SNCAIP: variants seen among roughly 807,000 people sequenced by gnomAD.
SNCAIP encodes synuclein alpha interacting protein.
Under a neutral mutation model 86.7 loss-of-function variants are expected in SNCAIP, and 43 were observed. The observed-to-expected ratio is 0.50, with a 90% CI of 0.39 to 0.64. SNCAIP has a LOEUF of 0.64. Among genes scored for constraint, SNCAIP ranks in the 30% least tolerant of loss-of-function variants. The pLI is 0.00. For synonymous variants in SNCAIP, 417 were observed against 427.2 expected (o/e 0.98, Z 0.29); for missense variants, 981 against 1,103.1 (o/e 0.89, Z 1.57).
chr5:122,323,471 C>T (rs1415727889), intron 1 of SNCAIP: 2 of 152,176 alleles, frequency 1.3e-5, no homozygotes, highest in African/African-American at 4.8e-5. Context: ...CATTGCTTCT[C>T]TCTTATGTAA....
At chr5:122,358,581 T>C (rs1420568683) in intron 1 of SNCAIP, among the ~76,000 whole-genome samples, 1 of 151,982 alleles carries the variant, frequency 6.6e-6, no homozygotes, top group Admixed American at 6.6e-5. Context: ...TTCCTCTGTA[T>C]CCACTGTGTA....
chr5:122,386,283 C>T lies in SNCAIP; in HGVS notation c.-46-4806C>T, dbSNP rs1205579728. 2.0e-5 allele frequency among the ~76,000 whole-genome samples: 3 copies of T among 151,994 alleles called. No individual in the cohort carries two copies. The East Asian group carries it at 5.8e-4, about 29-fold the overall frequency. Reference sequence around the variant, plus strand: ...GGCAAGGAGGCTATTTTTTTAATTGCTTGTCTATTTTTTTATTATGCAATG... The same window carrying T: ...GGCAAGGAGGCTATTTTTTTAATTGTTTGTCTATTTTTTTATTATGCAATG... On this transcript the variant is annotated intron_variant, in intron 1 of 10. Coordinates refer to ENST00000261368, the MANE Select transcript of SNCAIP (RefSeq NM_005460.4).
At chr5:122,398,065 G>A (rs1029511970) in intron 2 of SNCAIP, among the ~76,000 whole-genome samples, 1 of 152,114 alleles carries the variant, frequency 6.6e-6, no homozygotes, top group African/African-American at 2.4e-5. Flanking sequence ...AGGGCTGGAG[G>A]AGTAAATGCA....
chr5:122,365,463 G>C (rs2152777428), intron 1 of SNCAIP, among the ~76,000 whole-genome samples: 1 of 152,320 alleles, frequency 6.6e-6, no homozygotes, highest in African/African-American at 2.4e-5. Flanking sequence ...TGGATCATTT[G>C]AGGTCAGGAG....
In SNCAIP at chr5:122,423,102, C is replaced by A. The variant is rs751480707; in HGVS notation, c.365C>A (p.Pro122His). Residue 122 changes from proline (P) to histidine (H), a missense_variant, in exon 4 of 11, where the codon CCT becomes CAT. Coordinates refer to ENST00000261368, the MANE Select transcript of SNCAIP (RefSeq NM_005460.4). The part of the protein sequence containing the change: ...DLGPQPQELG[P>H]GDGVGGPPGK... ...GGCCCCCAGCCTCAGGAGCTTGGCCCTGGAGATGGAGTGGGCGGCCCACCA... is the reference window on the plus strand; with the variant it reads ...GGCCCCCAGCCTCAGGAGCTTGGCCATGGAGATGGAGTGGGCGGCCCACCA... 6.2e-7 allele frequency: 1 copy of A among 1,614,012 alleles called. No individual in the cohort carries two copies. Among genetic ancestry groups the A allele is most frequent in the East Asian group, 2.2e-5 (1 of 44,858 alleles).
intron 10 of SNCAIP, among the ~76,000 whole-genome samples, chr5:122,456,894 T>C (rs1784877932): frequency 6.6e-6 from 1 of 152,252 alleles, no homozygotes; most frequent in Non-Finnish European, 1.5e-5. Flanking sequence ...CAGAAAAGTT[T>C]GTTAAAGCTG....
At chr5:122,376,640 A>C (rs904105058) in intron 1 of SNCAIP, among the ~76,000 whole-genome samples, 1 of 152,170 alleles carries the variant, frequency 6.6e-6, no homozygotes, top group Non-Finnish European at 1.5e-5. Context: ...TCATATGTTC[A>C]CTGAATGAAC....
intron 1 of SNCAIP, among the ~76,000 whole-genome samples, chr5:122,322,578 G>C (rs909033345): frequency 1.3e-5 from 2 of 152,146 alleles, no homozygotes; most frequent in African/African-American, 4.8e-5. Context: ...CCTGCTTTGA[G>C]TTTTTGTTTC....
At chr5:122,427,417 A>G (rs1464691541) in intron 5 of SNCAIP, among the ~76,000 whole-genome samples, 2 of 151,808 alleles carry the variant, frequency 1.3e-5, no homozygotes, top group Admixed American at 6.6e-5. Context: ...TTTCAAACCC[A>G]TAAGACTCAA....
chr5:122,364,383 C>T (rs1443427547), intron 1 of SNCAIP, among the ~76,000 whole-genome samples: 1 of 152,158 alleles, frequency 6.6e-6, no homozygotes, highest in Non-Finnish European at 1.5e-5. Context: ...CTTTCTTTTG[C>T]AAGATGCAAG....
chr5:122,454,037 G>A (rs1283757274), intron 10 of SNCAIP, among the ~76,000 whole-genome samples: 4 of 152,132 alleles, frequency 2.6e-5, no homozygotes, highest in African/African-American at 9.7e-5. Context: ...GGGTTTACAG[G>A]CGTGAGCCAC....
At chr5:122,451,639 A>G (rs1327035823) in intron 10 of SNCAIP, 38 bp downstream of exon 10, 7 of 1,374,694 alleles carry the variant, frequency 5.1e-6, no homozygotes, top group Non-Finnish European at 7.3e-6. Context: ...TTTTTCCTTC[A>G]AATGGATTAT....
intron 1 of SNCAIP, chr5:122,313,024 G>A (rs1372550221): frequency 1.3e-5 from 2 of 152,370 alleles, no homozygotes; most frequent in East Asian, 3.9e-4. Context: ...ATTACTGGCA[G>A]CCATACAGTT....
chr5:122,424,062 T>G (rs920404714), intron 4 of SNCAIP, among the ~76,000 whole-genome samples: 4 of 152,214 alleles, frequency 2.6e-5, no homozygotes, highest in African/African-American at 7.2e-5. Flanking sequence ...TTCAAATGGT[T>G]CCCAGTGCTC....
intron 5 of SNCAIP, among the ~76,000 whole-genome samples, chr5:122,429,750 G>T (rs1778022387): frequency 6.6e-6 from 1 of 152,144 alleles, no homozygotes; most frequent in Non-Finnish European, 1.5e-5. Flanking sequence ...GAGGGTAAGG[G>T]GTTCGTAAAG....
chr5:122,344,045 A>G (rs1398937382), intron 1 of SNCAIP, among the ~76,000 whole-genome samples: 1 of 152,162 alleles, frequency 6.6e-6, no homozygotes, highest in Non-Finnish European at 1.5e-5. Flanking sequence ...AAAATATTAC[A>G]ACCCTGTGAC....
chr5:122,384,390 T>TA (rs576517369), intron 1 of SNCAIP, among the ~76,000 whole-genome samples: 18 of 149,844 alleles, frequency 1.2e-4, no homozygotes, highest in South Asian at 2.1e-4. Flanking sequence ...AGATGATTCT[T>TA]AAAAAAAAAA....
Position 122,394,532 on chromosome 5 carries a change from A to C in SNCAIP, c.57+3341A>C, listed in dbSNP as rs141174175. On this transcript the variant is annotated intron_variant, in intron 2 of 10. Coordinates refer to ENST00000261368, the MANE Select transcript of SNCAIP (RefSeq NM_005460.4). ...ATTCTCCAATAGCTGCAGGTCTGCA[A>C]GGGAGAGATGACGACACATAAGCAC... Among the ~76,000 whole-genome samples the C allele has an allele frequency of 3.3e-4, 50 of 152,346 alleles. No homozygotes were observed. In the South Asian group the frequency reaches 5.2e-3, roughly 16 times the overall value.
chr5:122,337,787 A>G (rs1199010302), intron 1 of SNCAIP, among the ~76,000 whole-genome samples: 1 of 152,116 alleles, frequency 6.6e-6, no homozygotes, highest in Non-Finnish European at 1.5e-5. Context: ...TGATGCGCCC[A>G]CCTCGGCCTT....
Sources: allele counts gnomAD v4.1 joint callset (sites outside exome capture counted in the v4.1 genomes callset), GRCh38; gene constraint gnomAD v4.1.1; transcripts MANE v1.5; gene names NCBI Gene and HGNC (gene_info 2026-07-23, HGNC 2026-07-21).